SNTG1: variants seen among roughly 807,000 people sequenced by gnomAD.
SNTG1 encodes the protein gamma-1-syntrophin.
Under a neutral mutation model 74.7 loss-of-function variants are expected in SNTG1, and 39 were observed. That is an observed-to-expected ratio of 0.52 (90% CI 0.40 to 0.68). The LOEUF (loss-of-function observed/expected upper bound fraction) is 0.68. Among genes scored for constraint, SNTG1 ranks in the 30% least tolerant of loss-of-function variants. SNTG1 has a pLI of 0.00. For missense variants in SNTG1, 685 were observed against 609.5 expected, an observed-to-expected ratio of 1.12 and a Z score of -1.30; for synonymous variants, 254 against 217.1, an observed-to-expected ratio of 1.17 and a Z score of -1.49.
intron 2 of SNTG1, among the ~76,000 whole-genome samples, chr8:50,264,312 A>C: frequency 6.6e-6 from 1 of 152,148 alleles, no homozygotes; most frequent in East Asian, 1.9e-4. Flanking sequence ...TGATGTCTGT[A>C]ATCTCAGTAC....
intron 1 of SNTG1, among the ~76,000 whole-genome samples, chr8:50,126,601 G>A (rs977209463): frequency 5.3e-5 from 8 of 151,680 alleles, no homozygotes; most frequent in Admixed American, 2.0e-4. Context: ...ATTTACATAT[G>A]TGTTTTAAAT....
intron 1 of SNTG1, among the ~76,000 whole-genome samples, chr8:49,986,718 C>CCAA (rs1813190490): frequency 1.4e-5 from 2 of 138,174 alleles, no homozygotes; most frequent in African/African-American, 5.3e-5. Flanking sequence ...ACAAAAAGTA[C>CCAA]AAAAAAAAAA....
chr8:50,077,956 G>C (rs1456879260), intron 1 of SNTG1, among the ~76,000 whole-genome samples: 1 of 152,108 alleles, frequency 6.6e-6, no homozygotes, highest in African/African-American at 2.4e-5. Flanking sequence ...TGTGTGATGT[G>C]TGTATTTATG....
intron 1 of SNTG1, among the ~76,000 whole-genome samples, chr8:49,999,380 T>C (rs1372643229): frequency 6.6e-6 from 1 of 152,136 alleles, no homozygotes; most frequent in Non-Finnish European, 1.5e-5. Context: ...GAGTACGGTC[T>C]TCTGCCTGGA....
chr8:50,739,224 A>T (rs2095536834), intron 17 of SNTG1, among the ~76,000 whole-genome samples: 1 of 152,090 alleles, frequency 6.6e-6, no homozygotes, highest in Non-Finnish European at 1.5e-5. Flanking sequence ...CAAGAAAAAA[A>T]CAAACAACCC....
intron 2 of SNTG1, among the ~76,000 whole-genome samples, chr8:50,193,579 T>G (rs2083656819): frequency 6.6e-6 from 1 of 152,084 alleles, no homozygotes. Context: ...GGAGGAGTCC[T>G]TAGGGTTTTC....
chr8:50,130,478 G>T (rs1003317081), intron 1 of SNTG1, among the ~76,000 whole-genome samples: 6 of 152,164 alleles, frequency 3.9e-5, no homozygotes, highest in African/African-American at 9.6e-5. Context: ...AAGTGTTTAA[G>T]TAGTCAGAGA....
At chr8:50,249,417 G>A (rs572969365) in intron 2 of SNTG1, among the ~76,000 whole-genome samples, 2 of 152,226 alleles carry the variant, frequency 1.3e-5, no homozygotes, top group Non-Finnish European at 2.9e-5. Context: ...CCTCAGCAGA[G>A]AGGTTTGGGG....
chr8:49,918,189 T>C (rs1806213847), intron 1 of SNTG1, among the ~76,000 whole-genome samples: 1 of 152,086 alleles, frequency 6.6e-6, no homozygotes. Context: ...TTAAAATAAA[T>C]AAACCTAAAA....
intron 2 of SNTG1, among the ~76,000 whole-genome samples, chr8:50,185,350 C>A (rs2083341552): frequency 6.6e-6 from 1 of 152,304 alleles, no homozygotes; most frequent in African/African-American, 2.4e-5. Flanking sequence ...GCTTCCGCAG[C>A]CATATGGAAC....
At chr8:50,751,771 T>A (rs368308753) in intron 17 of SNTG1, among the ~76,000 whole-genome samples, 1 of 152,026 alleles carries the variant, frequency 6.6e-6, no homozygotes, top group Non-Finnish European at 1.5e-5. Context: ...TTTATTTTTA[T>A]GCATTTTTGC....
intron 15 of SNTG1, among the ~76,000 whole-genome samples, chr8:50,700,742 C>T (rs181547218): frequency 1.3e-5 from 2 of 152,154 alleles, no homozygotes; most frequent in African/African-American, 4.8e-5. Flanking sequence ...TAGCATGTTA[C>T]CTCTATAGCA....
rs565239561 is a variant in SNTG1, at chr8:50,025,969, T to C, written c.-103+113738T>C. Among the ~76,000 whole-genome samples the C allele has an allele frequency of 5.3e-5, 8 of 152,294 alleles. No homozygotes were observed. The South Asian group carries it at 1.7e-3, about 32-fold the overall frequency. ...AGCAATCCTCCCTGGAGCTCTGTAT[T>C]TAGGTCTGTGGCCCAGATTTTCTTA... is the stretch of plus-strand genomic sequence containing the variant. On this transcript the variant is annotated intron_variant, in intron 1 of 18. Transcript: ENST00000642720.
chr8:50,343,488 T>TA (rs1161570876), intron 2 of SNTG1, among the ~76,000 whole-genome samples: 1 of 152,066 alleles, frequency 6.6e-6, no homozygotes, highest in Non-Finnish European at 1.5e-5. Flanking sequence ...ATTTTAATTA[T>TA]AAAAAAATTA....
At chr8:50,472,408 G>T (rs905930373) in intron 8 of SNTG1, among the ~76,000 whole-genome samples, 3 of 152,080 alleles carry the variant, frequency 2.0e-5, no homozygotes, top group Non-Finnish European at 4.4e-5. Context: ...ACATTTTAAA[G>T]ACCATTCAAT....
chr8:50,184,499 A>G (rs554402202), intron 2 of SNTG1, among the ~76,000 whole-genome samples: 1 of 151,688 alleles, frequency 6.6e-6, no homozygotes, highest in African/African-American at 2.4e-5. Flanking sequence ...TCCTCCTTTA[A>G]CTCCACTTAT....
At chr8:50,167,399 G>A (rs923553401) in intron 1 of SNTG1, among the ~76,000 whole-genome samples, 2 of 151,216 alleles carry the variant, frequency 1.3e-5, no homozygotes, top group Admixed American at 6.6e-5. Context: ...TTTCCTATAT[G>A]TCACTCAGGT....
At chr8:49,982,918 T>C (rs995456818) in intron 1 of SNTG1, among the ~76,000 whole-genome samples, 3 of 152,206 alleles carry the variant, frequency 2.0e-5, no homozygotes, top group Non-Finnish European at 2.9e-5. Context: ...TCCAATTCAA[T>C]TGAGTTGTAA....
At chr8:50,258,888 A>G (rs1424839376) in intron 2 of SNTG1, among the ~76,000 whole-genome samples, 4 of 152,178 alleles carry the variant, frequency 2.6e-5, no homozygotes, top group Non-Finnish European at 4.4e-5. Flanking sequence ...AATTATTTTA[A>G]AACATAGTAG....
Sources: gnomAD v4.1 joint callset for allele counts (sites outside exome capture counted in the v4.1 genomes callset) on GRCh38, gnomAD v4.1.1 for gene constraint, MANE v1.5 for transcripts, NCBI Gene and HGNC (gene_info 2026-07-23, HGNC 2026-07-21) for gene names.